The following UNC45B variants were observed in gnomAD, a reference collection of about 807,000 sequenced individuals.
The protein encoded by UNC45B is protein unc-45 homolog B.
UNC45B carries 78 observed loss-of-function variants against 98.7 expected under a neutral mutation model. That is an observed-to-expected ratio of 0.79 (90% CI 0.66 to 0.95). UNC45B has a LOEUF of 0.95. Among genes scored for constraint, UNC45B ranks in the 40% least tolerant of loss-of-function variants. UNC45B has a pLI of 0.00. For synonymous variants in UNC45B, 462 were observed against 480.4 expected (o/e 0.96, Z 0.50); for missense variants, 1,225 against 1,184.9 (o/e 1.03, Z -0.50).
chr17:35,184,731 CT>C (rs141943685), intron 19 of UNC45B, among the ~76,000 whole-genome samples: 6,266 of 152,248 alleles, frequency 0.041, 412 homozygotes, highest in African/African-American at 0.13. Context: ...GATTGGGACC[CT>C]TCAGGATTGC....
chr17:35,155,637 G>A (rs914353628), intron 7 of UNC45B, among the ~76,000 whole-genome samples, 173 bp downstream of exon 7: 7 of 152,168 alleles, frequency 4.6e-5, no homozygotes, highest in African/African-American at 9.6e-5. Flanking sequence ...GTGCAGTAGC[G>A]CGATCTAGAC....
At chr17:35,153,616 C>A (rs2092036832) in intron 5 of UNC45B, among the ~76,000 whole-genome samples, 2 of 151,526 alleles carry the variant, frequency 1.3e-5, no homozygotes, top group Non-Finnish European at 2.9e-5. Context: ...AATCCATAAA[C>A]TAGGCAAATA....
At chr17:35,154,414 T>G (rs887168020) in intron 5 of UNC45B, among the ~76,000 whole-genome samples, 160 bp from the exon 6 acceptor site, 5 of 152,190 alleles carry the variant, frequency 3.3e-5, no homozygotes, top group African/African-American at 1.2e-4. Flanking sequence ...TGAATTATGT[T>G]CTTGGGCTGT....
At chr17:35,169,763 T>C (rs2092169202) in intron 10 of UNC45B, 74 bp from the exon 11 acceptor site, 1 of 1,367,182 alleles carries the variant, frequency 7.3e-7, no homozygotes, top group African/African-American at 1.4e-5. Context: ...TAGAAACCTG[T>C]TTGAGCAAGG....
At position 35,187,892 on chromosome 17, in the gene UNC45B, A is replaced by G. The variant is rs1016911632; in HGVS notation, c.*1333A>G. 1 of 152,182 alleles carries G rather than the reference A, an allele frequency of 6.6e-6. No individual in the cohort carries two copies. The allele number at this position is 152,182 out of a possible 1,614,324, so 9.4% of individuals were successfully genotyped here. A position where few individuals can be genotyped will look rare whatever the true frequency, so the allele number is the denominator to read the frequency against. ...GTTTATTGAAGGGTCAACAGTTCTG[A>G]TCTCAGCATTGGGTAAAGGGTGGGA... On this transcript the variant is annotated 3_prime_UTR_variant, in exon 20 of 20. Transcript: ENST00000394570.
intron 3 of UNC45B, among the ~76,000 whole-genome samples, chr17:35,149,816 G>A (rs139144339): frequency 2.6e-5 from 4 of 152,316 alleles, no homozygotes; most frequent in African/African-American, 7.2e-5. Flanking sequence ...AGACTGGAGC[G>A]TTAAGAATTG....
In UNC45B at chr17:35,169,902, G is replaced by A. The variant is rs780886985; in HGVS notation, c.1518G>A (p.Ser506=). ...DYGLRQFAEG[S]TEKLAKQCRK... The stretch of plus-strand genomic sequence containing the variant: ...GTCTCAGGCAGTTTGCGGAAGGGTC[G>A]ACAGAAAAACTGGCCAAACAGTGTC... Residue 506 remains serine, a synonymous_variant, in exon 11 of 20, where the codon TCG becomes TCA. Coordinates refer to ENST00000394570, the MANE Select transcript of UNC45B (RefSeq NM_001267052.2). The A allele has an allele frequency of 3.7e-6, 6 of 1,614,166 alleles. No individual in the cohort carries two copies. The highest frequency in any genetic ancestry group is 1.1e-5 in the South Asian group (1 of 91,078).
chr17:35,165,047 G>A (rs1441454602), intron 9 of UNC45B, among the ~76,000 whole-genome samples: 1 of 152,064 alleles, frequency 6.6e-6, no homozygotes, highest in Non-Finnish European at 1.5e-5. Flanking sequence ...GCTAATTTTT[G>A]TATTTTTTGT....
intron 9 of UNC45B, among the ~76,000 whole-genome samples, 174 bp from the exon 10 acceptor site, chr17:35,167,887 C>T (rs1043886318): frequency 1.3e-5 from 2 of 152,230 alleles, no homozygotes; most frequent in African/African-American, 4.8e-5. Flanking sequence ...ACTAGTAGTA[C>T]TATCCTCAGT....
intron 9 of UNC45B, 195 bp downstream of exon 9, chr17:35,164,361 G>A: frequency 1.9e-6 from 1 of 531,592 alleles, no homozygotes. Context: ...TGCTGGCTGG[G>A]GCTGCAGCCA....
chr17:35,150,303 G>A (rs2092008265), intron 4 of UNC45B, 80 bp downstream of exon 4: 1 of 1,487,580 alleles, frequency 6.7e-7, no homozygotes, highest in Admixed American at 2.1e-5. Context: ...AGGGAGGTGG[G>A]TCATCAGGGC....
intron 8 of UNC45B, 122 bp from the exon 9 acceptor site, chr17:35,163,873 A>T: frequency 8.6e-7 from 1 of 1,157,360 alleles, no homozygotes; most frequent in Non-Finnish European, 1.2e-6. Context: ...ATTCTGGATG[A>T]ACCACATGTT....
rs551238172 is a variant in UNC45B at position 35,183,711 on chromosome 17, G to A, written c.2529+129G>A. The A allele has an allele frequency of 2.2e-5, 23 of 1,032,374 alleles. No homozygotes were observed. The East Asian group carries it at 5.1e-4, about 23-fold the overall frequency. 64.0% of individuals were successfully genotyped at this position (1,032,374 alleles called of 1,614,324 possible). On this transcript the variant is annotated intron_variant, in intron 19 of 19. Coordinates refer to ENST00000394570, the MANE Select transcript of UNC45B (RefSeq NM_001267052.2). ...AACCCCTCGCAGCCCCCAGGCTTCT[G>A]TTCCTACTGCCTAAGGAGAGGAGGG...
At chr17:35,149,279 T>G (rs891110885) in intron 3 of UNC45B, among the ~76,000 whole-genome samples, 1 of 152,198 alleles carries the variant, frequency 6.6e-6, no homozygotes, top group Non-Finnish European at 1.5e-5. Flanking sequence ...AGGATTGGAT[T>G]TCATCTCAAG....
chr17:35,155,389 C>T lies in UNC45B; in HGVS notation c.733C>T (p.Leu245Phe), dbSNP rs752144088. 4 of 1,614,082 alleles carry T rather than the reference C, an allele frequency of 2.5e-6. No homozygotes were observed. Among genetic ancestry groups the T allele is most frequent in the African/African-American group, 2.7e-5 (2 of 74,922 alleles). Residue 245 changes from leucine (L) to phenylalanine (F), a missense_variant, in exon 7 of 20, where the codon CTC becomes TTC. Transcript: ENST00000394570. ...EEMSLAVCNL[L>F]QAIIDSLSGE... ...GATGTCTCTGGCTGTCTGCAACCTG[C>T]TCCAAGCCATCATTGACTCCTTGTC...
chr17:35,176,548 C>T (rs886985485), intron 15 of UNC45B, among the ~76,000 whole-genome samples: 27 of 152,180 alleles, frequency 1.8e-4, no homozygotes, highest in African/African-American at 6.0e-4. Context: ...GGCCTGGTGG[C>T]GTGCACCTGT....
At chr17:35,153,761 C>T (rs1597906563) in intron 5 of UNC45B, among the ~76,000 whole-genome samples, 2 of 141,250 alleles carry the variant, frequency 1.4e-5, no homozygotes, top group South Asian at 2.2e-4. Context: ...AGTGATGGTT[C>T]TGGTCACGCT....
chr17:35,177,542 G>A lies in UNC45B; in HGVS notation c.2187G>A (p.Arg729=), dbSNP rs138507624. Residue 729 remains arginine, a synonymous_variant, in exon 17 of 20, where the codon AGG becomes AGA. Coordinates refer to ENST00000394570, the MANE Select transcript of UNC45B (RefSeq NM_001267052.2). The part of the protein sequence containing the change: ...RPLVRLLDTQ[R]DGLQNYEALL... ...TTGTAAGACTCTTGGACACACAGAG[G>A]GATGGGCTTCAGAACTATGAGGCTC... 2.5e-5 allele frequency: 39 copies of A among 1,567,232 alleles called. 1 individual carries two copies. The highest frequency in any genetic ancestry group is 2.4e-4 in the African/African-American group (18 of 73,636).
intron 15 of UNC45B, 139 bp from the exon 16 acceptor site, chr17:35,176,878 C>T: frequency 1.6e-6 from 1 of 611,682 alleles, no homozygotes; most frequent in South Asian, 2.1e-5. Context: ...AATTGTTTTC[C>T]ATGATGTGCA....
Sources: allele counts gnomAD v4.1 joint callset (sites outside exome capture counted in the v4.1 genomes callset), GRCh38; gene constraint gnomAD v4.1.1; transcripts MANE v1.5; gene names NCBI Gene and HGNC (gene_info 2026-07-23, HGNC 2026-07-21).